The following LRRK2 variants were observed in gnomAD, a reference collection of about 807,000 sequenced individuals.
The protein encoded by LRRK2 is leucine-rich repeat serine/threonine-protein kinase 2.
A neutral mutation model predicts 302.6 loss-of-function variants in LRRK2; 203 were observed. The observed-to-expected ratio is 0.67, with a 90% confidence interval of 0.60 to 0.75. LRRK2 has a LOEUF of 0.75. Among genes scored for constraint, LRRK2 ranks in the 30% least tolerant of loss-of-function variants. The pLI, the probability that LRRK2 is intolerant of heterozygous loss-of-function variation, is 0.00. For synonymous variants in LRRK2, 1,066 were observed against 1,031.9 expected (o/e 1.03, Z -0.63); for missense variants, 2,830 against 2,951.0 (o/e 0.96, Z 0.95).
At chr12:40,251,652 G>T in intron 10 of LRRK2, 108 bp downstream of exon 10, 1 of 1,005,772 alleles carries the variant, frequency 9.9e-7, no homozygotes, top group Non-Finnish European at 1.5e-6. Flanking sequence ...TTTTGATATA[G>T]GCATTTAGTT....
rs369639275 is a variant in LRRK2, at chr12:40,367,589, A to G, written c.7463-55A>G. On this transcript the variant is annotated intron_variant, in intron 50 of 50. Coordinates refer to ENST00000298910, the MANE Select transcript of LRRK2 (RefSeq NM_198578.4). The stretch of plus-strand genomic sequence containing the variant: ...TACATGAGCCAAACTGAAATAAAAT[A>G]AGAATGTTTTATGATGGATCTTTGA... The G allele has an allele frequency of 6.4e-6, 10 of 1,558,630 alleles. No individual in the cohort carries two copies. The Admixed American group carries it at 1.5e-4, about 23-fold the overall frequency.
chr12:40,273,773 T>C (rs1490692400), intron 14 of LRRK2, among the ~76,000 whole-genome samples: 2 of 152,176 alleles, frequency 1.3e-5, no homozygotes, highest in Admixed American at 6.6e-5. Flanking sequence ...GGTAGATGTT[T>C]GGAGTGTATT....
At position 40,278,198 on chromosome 12, in the gene LRRK2, A is replaced by G. The variant is rs1943541942; in HGVS notation, c.2178A>G (p.Glu726=). ...ATCAGAATAACAGCATCATGGTTGA[A>G]TGCTTGCTTCTATTGGGAGCAGATG... ...ACDQNNSIMV[E]CLLLLGADAN... Residue 726 remains glutamate (E), a synonymous_variant, in exon 18 of 51, where the codon GAA becomes GAG. Transcript: ENST00000298910. 6.2e-7 allele frequency: 1 copy of G among 1,614,132 alleles called. No individual in the cohort carries two copies. Among genetic ancestry groups the G allele is most frequent in the South Asian group, 1.1e-5 (1 of 91,084 alleles).
rs553777827 is a variant in LRRK2, at chr12:40,322,268, C to T, written c.5318-51C>T. On this transcript the variant is annotated intron_variant, in intron 36 of 50. Coordinates refer to ENST00000298910, the MANE Select transcript of LRRK2 (RefSeq NM_198578.4). ...AAAAAAACTTTACCTTAAAGCTTTG[C>T]GACAGTATGAGGTTTAGACAAGGTG... 124 of 1,599,300 alleles carry T rather than the reference C, an allele frequency of 7.8e-5. 2 individuals are homozygous for T. In the South Asian group the frequency reaches 8.2e-4, roughly 11 times the overall value.
chr12:40,283,973 G>C lies in LRRK2; in HGVS notation c.2340G>C (p.Gly780=). 1 of 1,614,002 alleles carries C rather than the reference G, an allele frequency of 6.2e-7. No individual in the cohort carries two copies. Among genetic ancestry groups the C allele is most frequent in the Admixed American group, 1.7e-5 (1 of 60,010 alleles). ...DVRKALTISI[G]KGDSQIISLL... ...GAAAAGCGTTGACGATAAGCATTGG[G>C]AAAGGTGACAGCCAGATCATCAGCT... Residue 780 remains glycine, a synonymous_variant, in exon 19 of 51, where the codon GGG becomes GGC. Transcript: ENST00000298910.
chr12:40,359,244 T>TC lies in LRRK2; in HGVS notation c.6844-16_6844-15insC. 3.1e-6 allele frequency: 5 copies of TC among 1,599,666 alleles called. No individual in the cohort carries two copies. Among genetic ancestry groups the TC allele is most frequent in the Non-Finnish European group, 3.4e-6 (4 of 1,171,476 alleles). On this transcript the variant is annotated splice_polypyrimidine_tract_variant and intron_variant, in intron 46 of 50. Coordinates refer to ENST00000298910, the MANE Select transcript of LRRK2 (RefSeq NM_198578.4). Reference sequence around the variant, plus strand: ...ACTCAATTTGCTGAGTGTGTTTTCTTTTTTTTTTGGCAAAGCTTAAAGGAG... The same window carrying TC: ...ACTCAATTTGCTGAGTGTGTTTTCTTCTTTTTTTTGGCAAAGCTTAAAGGAG...
rs1306591941 is a variant in LRRK2 at position 40,336,144 on chromosome 12, G to A, written c.5948+987G>A. On this transcript the variant is annotated intron_variant, in intron 40 of 50. Transcript: ENST00000298910. Reference sequence around the variant, plus strand: ...TTACCCCTCCCCTGCCTTATTTCTTGGGTACAGTGCTCAGCCACTCCCATC... The same window carrying A: ...TTACCCCTCCCCTGCCTTATTTCTTAGGTACAGTGCTCAGCCACTCCCATC... Among the ~76,000 whole-genome samples, 43 of 152,016 alleles carry A rather than the reference G, an allele frequency of 2.8e-4. 1 individual carries two copies. The highest frequency in any genetic ancestry group is 2.4e-5 in the African/African-American group (1 of 41,396).
chr12:40,263,930 A>G, intron 14 of LRRK2, 29 bp downstream of exon 14: 1 of 1,471,894 alleles, frequency 6.8e-7, no homozygotes, highest in East Asian at 2.3e-5. Flanking sequence ...TTCTGTATTT[A>G]TACTATTAAC....
At chr12:40,228,666 C>A (rs150540643) in intron 2 of LRRK2, among the ~76,000 whole-genome samples, 4,530 of 152,154 alleles carry the variant, frequency 0.03, 199 homozygotes, top group Admixed American at 0.11. Context: ...CCCCAAAAAT[C>A]ATTGCACAGA....
chr12:40,309,287 T>TGC (rs66990153), intron 30 of LRRK2, 54 bp downstream of exon 30: 7 of 1,344,380 alleles, frequency 5.2e-6, no homozygotes, highest in Admixed American at 2.0e-5. Context: ...TCTGTGTGCG[T>TGC]GTGTGTGTGT....
intron 41 of LRRK2, among the ~76,000 whole-genome samples, chr12:40,343,705 C>G (rs1946115136): frequency 6.6e-6 from 1 of 152,116 alleles, no homozygotes; most frequent in African/African-American, 2.4e-5. Context: ...ACATTGTAAT[C>G]ATTATGATAA....
intron 31 of LRRK2, among the ~76,000 whole-genome samples, chr12:40,313,119 G>A (rs1184136181): frequency 6.6e-6 from 1 of 151,924 alleles, no homozygotes; most frequent in Non-Finnish European, 1.5e-5. Context: ...ATTCTGATTC[G>A]TATTTTCAGA....
Position 40,367,734 on chromosome 12 carries a change from C to T in LRRK2, c.7553C>T (p.Ala2518Val). The T allele has an allele frequency of 6.2e-7, 1 of 1,604,086 alleles. No individual in the cohort carries two copies. Among genetic ancestry groups the T allele is most frequent in the Non-Finnish European group, 8.5e-7 (1 of 1,174,404 alleles). The change falls in exon 51 of 51, where the codon GCT becomes GTT. Residue 2518 changes from alanine to valine, a missense_variant. Physicochemically the swap from Ala to Val is moderately conservative, Grantham distance 64. Transcript: ENST00000298910. Reference protein sequence around the residue: ...EKHIEVRKELAEKMRRTSVE With the variant: ...EKHIEVRKELVEKMRRTSVE ...CACATTGAAGTGAGAAAAGAATTAG[C>T]TGAAAAAATGAGACGAACATCTGTT...
intron 43 of LRRK2, among the ~76,000 whole-genome samples, chr12:40,351,256 C>T (rs1946343625): frequency 6.6e-6 from 1 of 152,100 alleles, no homozygotes; most frequent in Non-Finnish European, 1.5e-5. Context: ...CCTCCTGACT[C>T]CGCTAAAATC....
In LRRK2 at chr12:40,225,280, G is replaced by C; in HGVS notation, c.149G>C (p.Arg50Pro). The change falls in exon 1 of 51, where the codon CGC (arginine) becomes CCC (proline). Residue 50 changes from arginine to proline, a missense_variant and splice_region_variant. Physicochemically the swap from Arg to Pro is moderately radical, Grantham distance 103. This residue lies in a region of LRRK2 where 2,121 missense variants were observed against 2,148.0 expected (regional missense o/e 0.99). Coordinates refer to ENST00000298910, the MANE Select transcript of LRRK2 (RefSeq NM_198578.4). ...CTGCTGGTGTTCACGTACTCCGAGC[G>C]CGGTAATCACTTGAAAATAAACTGT... ...EDLLVFTYSE[R>P]ASKLFQGKNI... 6.2e-7 allele frequency: 1 copy of C among 1,614,088 alleles called. No individual in the cohort carries two copies. The highest frequency in any genetic ancestry group is 8.5e-7 in the Non-Finnish European group (1 of 1,180,016).
intron 43 of LRRK2, among the ~76,000 whole-genome samples, chr12:40,350,992 G>A (rs1946333488): frequency 6.6e-6 from 1 of 152,150 alleles, no homozygotes; most frequent in African/African-American, 2.4e-5. Context: ...CTTTCTTGGT[G>A]TCTCCTGAGT....
chr12:40,315,574 G>A (rs181616648), intron 33 of LRRK2, among the ~76,000 whole-genome samples: 12 of 152,070 alleles, frequency 7.9e-5, no homozygotes, highest in Admixed American at 7.2e-4. Flanking sequence ...TCCTGATGAT[G>A]TCATTGGTTT....
intron 26 of LRRK2, among the ~76,000 whole-genome samples, chr12:40,303,337 G>C (rs2136778002): frequency 6.6e-6 from 1 of 152,190 alleles, no homozygotes; most frequent in Non-Finnish European, 1.5e-5. Flanking sequence ...GAAGCTTCCT[G>C]TTAACTTTAA....
In LRRK2 at chr12:40,351,706, C is replaced by T. The variant is rs774310930; in HGVS notation, c.6549C>T (p.Asp2183=). The change falls in exon 44 of 51, where the codon GAC becomes GAT. Residue 2183 remains aspartate, a synonymous_variant. Coordinates refer to ENST00000298910, the MANE Select transcript of LRRK2 (RefSeq NM_198578.4). ...ACAGAGGACAGCTCTCATTTCTTGA[C>T]TTAAATACTGAAGGATACACTTCTG... ...HTDRGQLSFL[D]LNTEGYTSEE... 1 of 1,614,166 alleles carries T rather than the reference C, an allele frequency of 6.2e-7. No homozygotes were observed. The highest frequency in any genetic ancestry group is 8.5e-7 in the Non-Finnish European group (1 of 1,180,014).
Sources: allele counts gnomAD v4.1 joint callset (sites outside exome capture counted in the v4.1 genomes callset), GRCh38; gene constraint gnomAD v4.1.1; regional missense constraint gnomAD v4.1.1; transcripts MANE v1.5; gene names NCBI Gene and HGNC (gene_info 2026-07-23, HGNC 2026-07-21).